EDIL3: variants seen among roughly 807,000 people sequenced by gnomAD.
EDIL3 encodes EGF like and discoidin domains 3, also known as EGF-like repeat and discoidin I-like domain-containing protein 3.
EDIL3 carries 37 observed loss-of-function variants against 67.4 expected under a neutral mutation model. That is an observed-to-expected ratio of 0.55 (90% confidence interval 0.42 to 0.72). EDIL3 has a LOEUF of 0.72. EDIL3 is among the 30% of genes least tolerant of loss of function. The probability of loss-of-function intolerance (pLI) is 0.00; values close to 1 mark genes in which losing one functional copy is unlikely to be tolerated. For missense variants in EDIL3, 527 were observed against 586.3 expected (o/e 0.90, Z 1.04); for synonymous variants, 195 against 196.3 (o/e 0.99, Z 0.05).
In EDIL3 at chr5:84,056,530, A is replaced by C. The variant is rs1746450925; in HGVS notation, c.1137+3770T>G. 2.0e-5 allele frequency among the ~76,000 whole-genome samples: 3 copies of C among 152,240 alleles called. No homozygotes were observed. The South Asian group carries it at 6.2e-4, about 32-fold the overall frequency. ...GAATACATACGAATTCCCAAAGGAC[A>C]CATAAGAATTTCTTAAACTATATGA... On this transcript the variant is annotated intron_variant, in intron 9 of 10. Coordinates refer to ENST00000296591, the MANE Select transcript of EDIL3 (RefSeq NM_005711.5).
Position 84,384,556 on chromosome 5 carries a change from G to C in EDIL3, c.-182C>G. The C allele has an allele frequency of 1.9e-6, 1 of 524,210 alleles. No individual in the cohort carries two copies. The highest frequency in any genetic ancestry group is 3.5e-5 in the East Asian group (1 of 28,942). The allele number at this position is 524,210 out of a possible 1,614,324, so 32.5% of individuals were successfully genotyped here. On this transcript the variant is annotated 5_prime_UTR_variant, in exon 1 of 11. Transcript: ENST00000296591. ...AGAGGGCGAGAGTGGTGACTAAAGA[G>C]AGGAGCCTTTCCTCCCCTTTTGCCT...
chr5:84,376,246 A>T (rs963016176), intron 1 of EDIL3, among the ~76,000 whole-genome samples: 6 of 152,190 alleles, frequency 3.9e-5, no homozygotes, highest in Admixed American at 6.5e-5. Context: ...TACATGTTAG[A>T]CTTGAAAGAT....
chr5:84,042,561 C>T (rs62364216), intron 9 of EDIL3, among the ~76,000 whole-genome samples: 17,960 of 152,150 alleles, frequency 0.12, 1,663 homozygotes, highest in African/African-American at 0.25. Flanking sequence ...GGATTACAGG[C>T]ATGAGCCACT....
At chr5:83,972,049 T>C (rs1428531759) in intron 9 of EDIL3, among the ~76,000 whole-genome samples, 2 of 152,152 alleles carry the variant, frequency 1.3e-5, no homozygotes, top group African/African-American at 4.8e-5. Context: ...CTTGTCAAAA[T>C]GTAAAATCAC....
At chr5:84,127,248 G>A (rs538838675) in intron 5 of EDIL3, among the ~76,000 whole-genome samples, 66 of 152,018 alleles carry the variant, frequency 4.3e-4, no homozygotes, top group Non-Finnish European at 6.8e-4. Flanking sequence ...TTTAGTATTG[G>A]ATTTACTGAC....
At chr5:84,059,566 C>G (rs886247983) in intron 9 of EDIL3, among the ~76,000 whole-genome samples, 1 of 152,100 alleles carries the variant, frequency 6.6e-6, no homozygotes, top group Non-Finnish European at 1.5e-5. Context: ...CAATGAACTA[C>G]TATAGTTTTT....
chr5:84,318,334 A>G (rs1394227303), intron 1 of EDIL3, among the ~76,000 whole-genome samples: 1 of 152,200 alleles, frequency 6.6e-6, no homozygotes, highest in African/African-American at 2.4e-5. Flanking sequence ...ACCAAAAAAG[A>G]GCCTGTATAG....
chr5:84,339,981 A>G (rs1747068315), intron 1 of EDIL3, among the ~76,000 whole-genome samples: 2 of 152,220 alleles, frequency 1.3e-5, no homozygotes, highest in African/African-American at 4.8e-5. Flanking sequence ...ATAAAAACAT[A>G]TTTTAGCATA....
At chr5:84,313,154 C>T (rs1452094944) in intron 1 of EDIL3, among the ~76,000 whole-genome samples, 1 of 152,050 alleles carries the variant, frequency 6.6e-6, no homozygotes, top group East Asian at 1.9e-4. Flanking sequence ...TGTCACCATA[C>T]AAAATACAGA....
At chr5:84,366,017 A>T (rs745643408) in intron 1 of EDIL3, among the ~76,000 whole-genome samples, 4 of 152,148 alleles carry the variant, frequency 2.6e-5, no homozygotes, top group Non-Finnish European at 5.9e-5. Context: ...TTCCTAGTCT[A>T]TCTGATTAGA....
intron 6 of EDIL3, among the ~76,000 whole-genome samples, chr5:84,080,146 A>C (rs1388985223): frequency 9.2e-6 from 1 of 108,342 alleles, no homozygotes. Context: ...AAAAAAAAAA[A>C]ATAGCCCGGC....
intron 3 of EDIL3, among the ~76,000 whole-genome samples, chr5:84,201,656 T>C (rs922647206): frequency 6.6e-6 from 1 of 152,146 alleles, no homozygotes; most frequent in Admixed American, 6.6e-5. Flanking sequence ...TTTTGAATTA[T>C]TGCAACTCTT....
intron 2 of EDIL3, among the ~76,000 whole-genome samples, chr5:84,247,971 T>C (rs535391374): frequency 6.6e-6 from 1 of 152,290 alleles, no homozygotes; most frequent in Non-Finnish European, 1.5e-5. Context: ...CCAATGTTTA[T>C]ATTCTTTGTT....
intron 9 of EDIL3, among the ~76,000 whole-genome samples, chr5:84,036,463 T>A (rs1166995959): frequency 6.6e-6 from 1 of 152,186 alleles, no homozygotes; most frequent in Non-Finnish European, 1.5e-5. Context: ...AGACAGATCT[T>A]TTGCCCGAGG....
chr5:83,997,622 TCTAGAG>T (rs1227860182), intron 9 of EDIL3, among the ~76,000 whole-genome samples: 2 of 152,102 alleles, frequency 1.3e-5, no homozygotes, highest in East Asian at 3.9e-4. Flanking sequence ...ACTACATAAG[TCTAGAG>T]CTATAAATAC....
At chr5:84,162,694 A>G (rs1225327786) in intron 4 of EDIL3, among the ~76,000 whole-genome samples, 3 of 152,082 alleles carry the variant, frequency 2.0e-5, no homozygotes, top group African/African-American at 4.8e-5. Flanking sequence ...GGCTCCCAAG[A>G]TAACAGAGCT....
chr5:84,157,450 C>T (rs1008161872), intron 4 of EDIL3, among the ~76,000 whole-genome samples: 138 of 151,950 alleles, frequency 9.1e-4, no homozygotes, highest in African/African-American at 3.1e-3. Flanking sequence ...AGGTTGGGGA[C>T]CATGGTGTAA....
chr5:84,060,788 C>G (rs1261297123), intron 8 of EDIL3, among the ~76,000 whole-genome samples: 1 of 152,126 alleles, frequency 6.6e-6, no homozygotes, highest in Non-Finnish European at 1.5e-5. Flanking sequence ...CTGAAATGCT[C>G]TCTCCTGTCT....
intron 1 of EDIL3, among the ~76,000 whole-genome samples, chr5:84,257,549 C>A (rs778009910): frequency 1.3e-5 from 2 of 152,154 alleles, no homozygotes; most frequent in Admixed American, 6.5e-5. Flanking sequence ...CCAAATTGAT[C>A]CAGGGGTTGA....
Sources: gnomAD v4.1 joint callset for allele counts (sites outside exome capture counted in the v4.1 genomes callset) on GRCh38, gnomAD v4.1.1 for gene constraint, MANE v1.5 for transcripts, NCBI Gene and HGNC (gene_info 2026-07-23, HGNC 2026-07-21) for gene names.